Variants in JHY observed in about 807,000 individuals in gnomAD.
JHY encodes the protein junctional cadherin complex regulator.
Under a neutral mutation model 78.0 loss-of-function variants are expected in JHY, and 69 were observed. The observed-to-expected ratio is 0.88, with a 90% CI of 0.73 to 1.08. The LOEUF is 1.08. Among genes scored for constraint, JHY ranks in the 50% least tolerant of loss-of-function variants. JHY has a pLI of 0.00. For missense variants in JHY, 944 were observed against 927.8 expected (o/e 1.02, Z -0.23); for synonymous variants, 368 against 342.6 (o/e 1.07, Z -0.82).
At chr11:122,952,721 A>G (rs545118562) in intron 6 of JHY, among the ~76,000 whole-genome samples, 8 of 152,354 alleles carry the variant, frequency 5.3e-5, no homozygotes, top group African/African-American at 1.9e-4. Flanking sequence ...TTAGAAGTTA[A>G]GCTGCTTCAG....
At chr11:122,948,170 G>C (rs907997448) in intron 6 of JHY, among the ~76,000 whole-genome samples, 4 of 151,994 alleles carry the variant, frequency 2.6e-5, no homozygotes, top group South Asian at 2.1e-4. Flanking sequence ...TAGGCCGGGC[G>C]TGGTGGCTAA....
chr11:122,936,812 T>G (rs1189718085), intron 5 of JHY, among the ~76,000 whole-genome samples: 1 of 152,232 alleles, frequency 6.6e-6, no homozygotes, highest in Non-Finnish European at 1.5e-5. Flanking sequence ...TGGCTTATAA[T>G]TTTCCTATCT....
In JHY at chr11:122,887,821, G is replaced by T. The variant is rs182801334; in HGVS notation, c.344+1628G>T. 3.9e-5 allele frequency among the ~76,000 whole-genome samples: 6 copies of T among 152,058 alleles called. No homozygotes were observed. The East Asian group carries it at 1.2e-3, about 29-fold the overall frequency. The stretch of plus-strand genomic sequence containing the variant: ...TGTAGCAAAAATAGACTGAGTAGGG[G>T]TCTGATTATAAGGGGGCCTTAAAAA... On this transcript the variant is annotated intron_variant, in intron 2 of 8. Transcript: ENST00000227349.
intron 5 of JHY, among the ~76,000 whole-genome samples, chr11:122,946,224 G>A (rs1035615754): frequency 8.5e-5 from 13 of 152,274 alleles, no homozygotes; most frequent in African/African-American, 3.1e-4. Context: ...TTTGCAGTGG[G>A]AAGGTCTTTG....
intron 3 of JHY, among the ~76,000 whole-genome samples, chr11:122,919,249 G>A (rs1863301745): frequency 6.6e-6 from 1 of 150,624 alleles, no homozygotes; most frequent in South Asian, 2.1e-4. Flanking sequence ...GCTACTCGGG[G>A]TACTGAGGCA....
chr11:122,961,560 G>C lies in JHY; in HGVS notation c.*2115G>C, dbSNP rs1206792242. ...AGTAGAGGCAGGGTTTCGCCATGTT[G>C]ACCAGGCTGGTCTTGAACTCCTGAT... On this transcript the variant is annotated 3_prime_UTR_variant, in exon 9 of 9. Transcript: ENST00000227349. Among the ~76,000 whole-genome samples the C allele has an allele frequency of 6.6e-6, 1 of 152,128 alleles. No individual in the cohort carries two copies. The highest frequency in any genetic ancestry group is 2.4e-5 in the African/African-American group (1 of 41,426).
At chr11:122,920,039 G>A (rs999151577) in intron 3 of JHY, among the ~76,000 whole-genome samples, 2 of 152,158 alleles carry the variant, frequency 1.3e-5, no homozygotes, top group African/African-American at 4.8e-5. Context: ...CCTCACAATG[G>A]CAGACTGGCA....
intron 2 of JHY, among the ~76,000 whole-genome samples, chr11:122,894,849 T>C (rs1369828073): frequency 6.6e-6 from 1 of 152,232 alleles, no homozygotes; most frequent in African/African-American, 2.4e-5. Context: ...TTTAGTGTGT[T>C]CCTATAGACA....
rs970932520 is a variant in JHY at position 122,882,827 on chromosome 11, C to G, written c.-235C>G. 2.0e-5 allele frequency: 3 copies of G among 152,926 alleles called. No individual in the cohort carries two copies. The highest frequency in any genetic ancestry group is 1.3e-4 in the Admixed American group (2 of 15,270). The allele number at this position is 152,926 out of a possible 1,614,324, so 9.5% of individuals were successfully genotyped here. A position where few individuals can be genotyped will look rare whatever the true frequency, so the allele number is the denominator to read the frequency against. On this transcript the variant is annotated 5_prime_UTR_variant, in exon 1 of 9. Coordinates refer to ENST00000227349, the MANE Select transcript of JHY (RefSeq NM_024806.4). ...GGGACGCGGGATCCTAGGTCGGGTC[C>G]TGCCCCGCCCATGTGGCGCCGGCGT...
rs142483643 is a variant in JHY at position 122,924,968 on chromosome 11, C to T, written c.936C>T (p.Ile312=). The T allele has an allele frequency of 3.7e-5, 60 of 1,613,880 alleles. No homozygotes were observed. The highest frequency in any genetic ancestry group is 4.6e-5 in the Non-Finnish European group (54 of 1,179,916). Residue 312 remains isoleucine (I), a synonymous_variant, in exon 4 of 9, where the codon ATC becomes ATT. Transcript: ENST00000227349. ...QNAKEMENAA[I]DPEDKWHQRA... is the part of the protein sequence containing the mutation. ...CCAAGGAAATGGAAAATGCTGCCAT[C>T]GATCCTGAAGATAAATGGCATCAAA...
chr11:122,888,912 T>G (rs1862551289), intron 2 of JHY, among the ~76,000 whole-genome samples: 1 of 152,222 alleles, frequency 6.6e-6, no homozygotes, highest in Non-Finnish European at 1.5e-5. Context: ...GGTTGAATAT[T>G]GATGAATATT....
At chr11:122,895,946 A>T (rs895301558) in intron 2 of JHY, among the ~76,000 whole-genome samples, 10 of 152,178 alleles carry the variant, frequency 6.6e-5, no homozygotes, top group Non-Finnish European at 1.3e-4. Flanking sequence ...TTTGCAAAAC[A>T]TAACCTCCTA....
chr11:122,901,462 AT>A (rs57302005), intron 2 of JHY, among the ~76,000 whole-genome samples: 145,746 of 151,400 alleles, frequency 0.96, 70,263 homozygotes, highest in Middle Eastern at 1. Context: ...TATACTTTTA[AT>A]TTTTTTTTTT....
At chr11:122,931,470 A>G (rs1227106329) in intron 4 of JHY, among the ~76,000 whole-genome samples, 1 of 152,198 alleles carries the variant, frequency 6.6e-6, no homozygotes, top group Admixed American at 6.5e-5. Flanking sequence ...TATTCATCTG[A>G]ACACAGAGTT....
chr11:122,885,284 A>G (rs1044488689), intron 1 of JHY, among the ~76,000 whole-genome samples: 1 of 152,176 alleles, frequency 6.6e-6, no homozygotes. Flanking sequence ...AGTTCCAACT[A>G]TGGAAAACTA....
chr11:122,961,072 C>T lies in JHY; in HGVS notation c.*1627C>T. On this transcript the variant is annotated 3_prime_UTR_variant, in exon 9 of 9. Coordinates refer to ENST00000227349, the MANE Select transcript of JHY (RefSeq NM_024806.4). ...AAGCTGTTGGCAAAGAAGACTCATG[C>T]ACAGCCAGTTATGTAAATGTATCTA... 2 of 1,035,552 alleles carry T rather than the reference C, an allele frequency of 1.9e-6. No individual in the cohort carries two copies. Among genetic ancestry groups the T allele is most frequent in the South Asian group, 2.5e-5 (2 of 78,954 alleles). The allele number at this position is 1,035,552 out of a possible 1,614,324, so 64.1% of individuals were successfully genotyped here.
chr11:122,930,610 C>T (rs7934182), intron 4 of JHY, among the ~76,000 whole-genome samples: 40,825 of 152,042 alleles, frequency 0.27, 5,705 homozygotes, highest in Middle Eastern at 0.38. Context: ...TATCCATGCC[C>T]AGATCCATCA....
intron 4 of JHY, 102 bp downstream of exon 4, chr11:122,925,112 C>A: frequency 2.2e-6 from 2 of 922,874 alleles, no homozygotes; most frequent in Non-Finnish European, 1.6e-6. Context: ...TATTTTTATG[C>A]CTGAGAATAA....
rs1864195078 is a variant in JHY at position 122,956,510 on chromosome 11, A to G, written c.1944A>G (p.Lys648=). 6.2e-7 allele frequency: 1 copy of G among 1,613,552 alleles called. No homozygotes were observed. Among genetic ancestry groups the G allele is most frequent in the East Asian group, 2.2e-5 (1 of 44,848 alleles). The change falls in exon 7 of 9, where the codon AAA becomes AAG. Residue 648 remains lysine, a synonymous_variant. Coordinates refer to ENST00000227349, the MANE Select transcript of JHY (RefSeq NM_024806.4). ...TGTATTTTTAGAACACCAAGCTGAA[A>G]GGTTATCAGAAAAGAGACGTGAAGC... ...KRSSSKNTKL[K]GYQKRDVKLG...
Sources: gnomAD v4.1 joint callset for allele counts (sites outside exome capture counted in the v4.1 genomes callset) on GRCh38, gnomAD v4.1.1 for gene constraint, MANE v1.5 for transcripts, NCBI Gene and HGNC (gene_info 2026-07-23, HGNC 2026-07-21) for gene names.